Variants in ATP6V1B2 observed in about 807,000 individuals in gnomAD.
ATP6V1B2 encodes the protein V-type proton ATPase subunit B, brain isoform.
In ATP6V1B2, 23 loss-of-function variants were observed where a neutral mutation model predicts 66.7. That is an observed-to-expected ratio of 0.34 (90% CI 0.25 to 0.49). ATP6V1B2 has a LOEUF of 0.49. Among genes scored for constraint, ATP6V1B2 ranks in the 20% least tolerant of loss-of-function variants. The probability of loss-of-function intolerance (pLI) is 0.99; values close to 1 mark genes in which losing one functional copy is unlikely to be tolerated. For missense variants in ATP6V1B2, 478 were observed against 650.8 expected (o/e 0.73, Z 2.89); for synonymous variants, 278 against 236.7 (o/e 1.17, Z -1.60).
intron 1 of ATP6V1B2, among the ~76,000 whole-genome samples, chr8:20,199,669 G>A (rs1159556598): frequency 6.9e-6 from 1 of 145,610 alleles, no homozygotes; most frequent in Non-Finnish European, 1.5e-5. Flanking sequence ...AGTGCAGAGT[G>A]GCGCGATCTA....
At chr8:20,199,593 A>C (rs2072663323) in intron 1 of ATP6V1B2, among the ~76,000 whole-genome samples, 1 of 140,764 alleles carries the variant, frequency 7.1e-6, no homozygotes, top group Admixed American at 7.3e-5. Context: ...TTAACCTCTT[A>C]ATTTTTGTGG....
chr8:20,218,079 T>C (rs933346193), intron 12 of ATP6V1B2, 74 bp from the exon 13 acceptor site: 2 of 1,567,134 alleles, frequency 1.3e-6, no homozygotes, highest in African/African-American at 1.4e-5. Flanking sequence ...ACTAGAGCAG[T>C]ACATTCCTAT....
intron 9 of ATP6V1B2, 199 bp from the exon 10 acceptor site, chr8:20,214,617 GCC>G (rs953965025): frequency 4.3e-6 from 2 of 461,536 alleles, no homozygotes; most frequent in African/African-American, 4.0e-5. Flanking sequence ...ACCTTCTGGT[GCC>G]CCATTGTCAA....
chr8:20,204,574 G>C (rs1297671675), intron 2 of ATP6V1B2, 35 bp downstream of exon 2: 3 of 1,563,332 alleles, frequency 1.9e-6, no homozygotes, highest in East Asian at 4.5e-5. Context: ...TATTTATGTA[G>C]TTAAAAATGT....
chr8:20,209,656 G>A, intron 3 of ATP6V1B2, 125 bp downstream of exon 3: 1 of 881,144 alleles, frequency 1.1e-6, no homozygotes, highest in Middle Eastern at 2.3e-4. Context: ...GTTACCGGCT[G>A]CAGGGAAAGA....
intron 10 of ATP6V1B2, 90 bp from the exon 11 acceptor site, chr8:20,216,323 C>T: frequency 1.7e-6 from 2 of 1,155,158 alleles, no homozygotes; most frequent in Non-Finnish European, 2.6e-6. Context: ...TACAGAGGGA[C>T]TTTTTGTGGG....
At chr8:20,216,792 A>T in intron 11 of ATP6V1B2, 1 of 279,932 alleles carries the variant, frequency 3.6e-6, no homozygotes. Flanking sequence ...CTTGTTATTG[A>T]TAGAAAAAAA....
intron 7 of ATP6V1B2, among the ~76,000 whole-genome samples, 167 bp from the exon 8 acceptor site, chr8:20,211,935 T>TG (rs1245304012): frequency 1.6e-4 from 25 of 152,214 alleles, no homozygotes; most frequent in African/African-American, 6.0e-4. Context: ...AGAATAATAT[T>TG]GTTTGTGCCC....
intron 2 of ATP6V1B2, among the ~76,000 whole-genome samples, chr8:20,206,346 C>T (rs1298425293): frequency 6.6e-6 from 1 of 152,176 alleles, no homozygotes; most frequent in Non-Finnish European, 1.5e-5. Context: ...TCCCACAAGA[C>T]TGCAGTCCAC....
In ATP6V1B2 at chr8:20,197,539, C is replaced by G; in HGVS notation, c.133C>G (p.Leu45Val). 7.1e-7 allele frequency: 1 copy of G among 1,412,934 alleles called. No individual in the cohort carries two copies. Among genetic ancestry groups the G allele is most frequent in the Non-Finnish European group, 9.3e-7 (1 of 1,075,022 alleles). 87.5% of individuals were successfully genotyped at this position (1,412,934 alleles called of 1,614,324 possible). A position where few individuals can be genotyped will look rare whatever the true frequency, so the allele number is the denominator to read the frequency against. Reference sequence around the variant, plus strand: ...TCGGAACTACCTCTCCCAGCCTCGCCTCAGTGAGTATCAGAGAGTAATACG... The same window carrying G: ...TCGGAACTACCTCTCCCAGCCTCGCGTCAGTGAGTATCAGAGAGTAATACG... ...VSRNYLSQPR[L>V]TYKTVSGVNG... The change falls in exon 1 of 14, where the codon CTC becomes GTC. Residue 45 changes from leucine (L) to valine (V), a missense_variant. By Grantham distance (32) the Leu-to-Val change is conservative. Transcript: ENST00000276390.
rs1302361186 is a variant in ATP6V1B2 at position 20,212,841 on chromosome 8, A to G, written c.863A>G (p.Gln288Arg). 1 of 1,613,792 alleles carries G rather than the reference A, an allele frequency of 6.2e-7. No individual in the cohort carries two copies. Among genetic ancestry groups the G allele is most frequent in the Non-Finnish European group, 8.5e-7 (1 of 1,179,784 alleles). The part of the protein sequence containing the change: ...ALTTAEFLAY[Q>R]CEKHVLVILT... Reference sequence around the variant, plus strand: ...ACCACAGCTGAATTTCTGGCGTACCAATGTGAGAAACATGTATTGGTTATT... The same window carrying G: ...ACCACAGCTGAATTTCTGGCGTACCGATGTGAGAAACATGTATTGGTTATT... The change falls in exon 9 of 14, where the codon CAA (glutamine) becomes CGA (arginine). Residue 288 changes from glutamine (Q) to arginine (R), a missense_variant. Physicochemically the swap from Gln to Arg is conservative, Grantham distance 43. Transcript: ENST00000276390.
intron 2 of ATP6V1B2, 148 bp downstream of exon 2, chr8:20,204,687 C>G (rs776932730): frequency 1.5e-5 from 9 of 585,792 alleles, no homozygotes; most frequent in Non-Finnish European, 2.2e-5. Context: ...CCATGATACC[C>G]TGGGCTATCA....
At position 20,197,500 on chromosome 8, in the gene ATP6V1B2, G is replaced by C. The variant is rs572969010; in HGVS notation, c.94G>C (p.Ala32Pro). The C allele has an allele frequency of 1.3e-6, 2 of 1,491,724 alleles. No individual in the cohort carries two copies. The highest frequency in any genetic ancestry group is 4.6e-5 in the Admixed American group (2 of 43,448). The allele number at this position is 1,491,724 out of a possible 1,614,324, so 92.4% of individuals were successfully genotyped here. Residue 32 changes from alanine (A) to proline (P), a missense_variant, in exon 1 of 14, where the codon GCG (alanine) becomes CCG (proline). Around this residue, in one of 2 missense-constraint regions of ATP6V1B2, gnomAD observed 152 missense variants for 105.2 expected, o/e 1.44. Transcript: ENST00000276390. ...GCCGGCGGTGGGAGCTCGGGAGCAG[G>C]CGCTGGCAGTCAGTCGGAACTACCT... ...GGPAVGAREQ[A>P]LAVSRNYLSQ...
At chr8:20,212,410 G>T (rs997468680) in intron 8 of ATP6V1B2, among the ~76,000 whole-genome samples, 4 of 152,170 alleles carry the variant, frequency 2.6e-5, no homozygotes, top group African/African-American at 9.7e-5. Flanking sequence ...GCTGATACTT[G>T]TCTCATGGAG....
chr8:20,201,728 G>T (rs1017555767), intron 1 of ATP6V1B2, among the ~76,000 whole-genome samples: 4 of 152,146 alleles, frequency 2.6e-5, no homozygotes, highest in Non-Finnish European at 5.9e-5. Flanking sequence ...CTTGCCTACT[G>T]TCTTAGCCAT....
chr8:20,213,573 G>C (rs763404389), intron 9 of ATP6V1B2: 3 of 152,560 alleles, frequency 2.0e-5, no homozygotes, highest in Non-Finnish European at 2.9e-5. Flanking sequence ...GATAGCTTGA[G>C]TCCAGTAATT....
At chr8:20,215,119 A>T in intron 10 of ATP6V1B2, 151 bp downstream of exon 10, 1 of 904,266 alleles carries the variant, frequency 1.1e-6, no homozygotes, top group East Asian at 2.9e-5. Flanking sequence ...TCATTTGAAA[A>T]TTACCCACAG....
At chr8:20,214,320 A>G (rs1270572847) in intron 9 of ATP6V1B2, 1 of 152,228 alleles carries the variant, frequency 6.6e-6, no homozygotes, top group Non-Finnish European at 1.5e-5. Context: ...CTTGATTCCA[A>G]CTGTTAATTG....
At chr8:20,204,380 C>A in intron 1 of ATP6V1B2, 104 bp from the exon 2 acceptor site, 1 of 981,172 alleles carries the variant, frequency 1.0e-6, no homozygotes, top group Non-Finnish European at 1.6e-6. Flanking sequence ...GTACCGTATT[C>A]TAATAGACAT....
Sources: allele counts gnomAD v4.1 joint callset (sites outside exome capture counted in the v4.1 genomes callset), GRCh38; gene constraint gnomAD v4.1.1; regional missense constraint gnomAD v4.1.1; transcripts MANE v1.5; gene names NCBI Gene and HGNC (gene_info 2026-07-23, HGNC 2026-07-21).